IGSF9B: variants seen among roughly 807,000 people sequenced by gnomAD.
The protein encoded by IGSF9B is immunoglobulin superfamily member 9B.
In IGSF9B, 48 loss-of-function variants were observed where a neutral mutation model predicts 143.7. That is an observed-to-expected ratio of 0.33 (90% CI 0.26 to 0.42). The LOEUF is 0.42. IGSF9B is among the 20% of genes least tolerant of loss of function. The pLI is 1.00. For synonymous variants in IGSF9B, 903 were observed against 833.1 expected (o/e 1.08, Z -1.44); for missense variants, 1,706 against 1,980.0 (o/e 0.86, Z 2.63).
chr11:133,923,182 C>T (rs1565427920), intron 15 of IGSF9B, among the ~76,000 whole-genome samples: 1 of 152,244 alleles, frequency 6.6e-6, no homozygotes, highest in Non-Finnish European at 1.5e-5. Flanking sequence ...GTGCCCAAAC[C>T]AGAACGCAGC....
chr11:133,920,260 C>G lies in IGSF9B; in HGVS notation c.3465G>C (p.Pro1155=), dbSNP rs1017951332. 6.6e-7 allele frequency: 1 copy of G among 1,518,826 alleles called. No individual in the cohort carries two copies. Among genetic ancestry groups the G allele is most frequent in the Non-Finnish European group, 8.8e-7 (1 of 1,133,148 alleles). The allele number at this position is 1,518,826 out of a possible 1,614,324, so 94.1% of individuals were successfully genotyped here. A position where few individuals can be genotyped will look rare whatever the true frequency, so the allele number is the denominator to read the frequency against. Residue 1155 remains proline, a synonymous_variant, in exon 18 of 20, where the codon CCG becomes CCC. Transcript: ENST00000533871. ...PVLPYPEPAE[P]GAHGGPSTFG... is the part of the protein sequence containing the mutation. ...ATGTGCTGGGGCCGCCGTGCGCCCC[C>G]GGCTCAGCCGGCTCGGGGTAAGGCA...
rs1428977226 is a variant in IGSF9B, at chr11:133,903,274, C to T, written c.*5795G>A. 6.6e-6 allele frequency among the ~76,000 whole-genome samples: 1 copy of T among 152,026 alleles called. No individual in the cohort carries two copies. The highest frequency in any genetic ancestry group is 2.4e-5 in the African/African-American group (1 of 41,388). ...AAAGGCAGGCCCAGGCAGCCATTCA[C>T]GTCCCCATCTAGTGTGATGGGAATG... On this transcript the variant is annotated 3_prime_UTR_variant, in exon 20 of 20. Coordinates refer to ENST00000533871, the MANE Select transcript of IGSF9B (RefSeq NM_001277285.4).
intron 1 of IGSF9B, among the ~76,000 whole-genome samples, chr11:133,952,768 T>TGTGTATGCGCACACACATGTGCAC (rs1278732358): frequency 6.7e-6 from 1 of 149,928 alleles, no homozygotes; most frequent in Non-Finnish European, 1.5e-5. Context: ...TAGGAACATG[T>TGTGTATGCGCACACACATGTGCAC]GTGTATGCGC....
intron 1 of IGSF9B, among the ~76,000 whole-genome samples, chr11:133,949,720 G>A (rs777399475): frequency 6.6e-6 from 1 of 151,988 alleles, no homozygotes; most frequent in Non-Finnish European, 1.5e-5. Flanking sequence ...GGAAGGGGGA[G>A]GGGCTGGCTC....
intron 1 of IGSF9B, among the ~76,000 whole-genome samples, chr11:133,951,497 A>G (rs1404015800): frequency 4.5e-4 from 68 of 152,224 alleles, no homozygotes; most frequent in Non-Finnish European, 8.8e-5. Context: ...TCCGGCCCTG[A>G]GCCTTCTCGG....
At chr11:133,918,066 C>A (rs958166506) in intron 18 of IGSF9B, among the ~76,000 whole-genome samples, 1 of 151,636 alleles carries the variant, frequency 6.6e-6, no homozygotes, top group East Asian at 2.0e-4. Flanking sequence ...GGGGCAGAAG[C>A]TGCAGCTAGG....
chr11:133,925,569 G>A (rs1939608582), intron 14 of IGSF9B, among the ~76,000 whole-genome samples, 170 bp downstream of exon 14: 2 of 152,200 alleles, frequency 1.3e-5, no homozygotes. Context: ...GATCTGAGGA[G>A]TCCAGGCCTT....
At chr11:133,951,200 C>T (rs1305778061) in intron 1 of IGSF9B, among the ~76,000 whole-genome samples, 1 of 152,214 alleles carries the variant, frequency 6.6e-6, no homozygotes, top group East Asian at 1.9e-4. Flanking sequence ...TGGTCCAAAA[C>T]GCCGACGGTG....
In IGSF9B at chr11:133,948,056, C is replaced by CGTGTGT. The variant is rs71038546; in HGVS notation, c.65-1804_65-1799dup. Among the ~76,000 whole-genome samples, 1,720 of 147,258 alleles carry CGTGTGT rather than the reference C, an allele frequency of 0.012. 49 individuals carry two copies. Among genetic ancestry groups the CGTGTGT allele is most frequent in the African/African-American group, 0.041 (1,599 of 39,160 alleles). On this transcript the variant is annotated intron_variant, in intron 1 of 19. Transcript: ENST00000533871. The surrounding 1 kb of genome is among the most constrained non-coding windows in gnomAD (Gnocchi z 4.7). ...CTGTTTCTGTCTACCAGCATGTGTGCGTGTGTGTGTGTGTGTGTGTGTGTG... is the reference window on the plus strand; with the variant it reads ...CTGTTTCTGTCTACCAGCATGTGTGCGTGTGTGTGTGTGTGTGTGTGTGTGTGTGTG...
At position 133,920,385 on chromosome 11, in the gene IGSF9B, G is replaced by A; in HGVS notation, c.3340C>T (p.Pro1114Ser). 6.2e-7 allele frequency: 1 copy of A among 1,602,478 alleles called. No individual in the cohort carries two copies. ...AGKSPGRGPV[P>S]APPAAKWQDR... is the part of the protein sequence containing the mutation. ...TGCCACTTGGCGGCGGGGGGCGCTG[G>A]GACAGGGCCCCTGCCGGGCGACTTG... is the stretch of plus-strand genomic sequence containing the variant. Residue 1114 changes from proline to serine, a missense_variant, in exon 18 of 20, where the codon CCA (proline) becomes TCA (serine). Physicochemically the swap from Pro to Ser is moderately conservative, Grantham distance 74 (BLOSUM62 -1). Transcript: ENST00000533871.
At chr11:133,944,119 G>T in intron 3 of IGSF9B, 101 bp downstream of exon 3, 2 of 1,281,904 alleles carry the variant, frequency 1.6e-6, no homozygotes, top group Non-Finnish European at 2.1e-6. Context: ...GGGGTGAGAT[G>T]CAGTTGGGAG....
At position 133,918,914 on chromosome 11, in the gene IGSF9B, G is replaced by A. The variant is rs564581302; in HGVS notation, c.3983+828C>T. The A allele has an allele frequency of 1.5e-4, 69 of 457,190 alleles. 3 individuals carry two copies. Among genetic ancestry groups the A allele is most frequent in the South Asian group, 1.1e-3 (69 of 64,180 alleles). 28.3% of individuals were successfully genotyped at this position (457,190 alleles called of 1,614,324 possible). On this transcript the variant is annotated intron_variant, in intron 18 of 19. Coordinates refer to ENST00000533871, the MANE Select transcript of IGSF9B (RefSeq NM_001277285.4). The stretch of plus-strand genomic sequence containing the variant: ...GATGGTGAGGAAGGAAGATAGGAGA[G>A]AGAAAGACTGACTGGAGAAGGAAGG...
At position 133,922,565 on chromosome 11, in the gene IGSF9B, C is replaced by A; in HGVS notation, c.2281+4G>T. On this transcript the variant is annotated splice_donor_region_variant and intron_variant, in intron 16 of 19. Transcript: ENST00000533871. ...GAGAGCAAGGGAAGGGGACAGACACCCACCTTTTTTGCGCTTGAGCTTACG... is the reference window on the plus strand; with the variant it reads ...GAGAGCAAGGGAAGGGGACAGACACACACCTTTTTTGCGCTTGAGCTTACG... 1.2e-6 allele frequency: 2 copies of A among 1,607,230 alleles called. No individual in the cohort carries two copies. Among genetic ancestry groups the A allele is most frequent in the South Asian group, 1.1e-5 (1 of 90,518 alleles).
intron 18 of IGSF9B, among the ~76,000 whole-genome samples, chr11:133,918,595 C>CG (rs1939441407): frequency 6.6e-6 from 1 of 151,728 alleles, no homozygotes; most frequent in African/African-American, 2.4e-5. Context: ...CGGCCGGCCC[C>CG]GGAGCAGCCC....
Position 133,931,276 on chromosome 11 carries a change from C to T in IGSF9B, c.1369-142G>A, listed in dbSNP as rs1565435382. 2 of 978,250 alleles carry T rather than the reference C, an allele frequency of 2.0e-6. No individual in the cohort carries two copies. The highest frequency in any genetic ancestry group is 3.1e-6 in the Non-Finnish European group (2 of 650,258). 60.6% of individuals were successfully genotyped at this position (978,250 alleles called of 1,614,324 possible). ...CCGAGTGCCTGCCGCTCTTCAGGGT[C>T]AGCTCACTGCTCGGCATCTAGCCTG... On this transcript the variant is annotated intron_variant, in intron 10 of 19. Transcript: ENST00000533871. The surrounding 1 kb of genome is among the most constrained non-coding windows in gnomAD (Gnocchi z 7.7).
In IGSF9B at chr11:133,927,644, C is replaced by T. The variant is rs969257096; in HGVS notation, c.1632-553G>A. Among the ~76,000 whole-genome samples the T allele has an allele frequency of 1.7e-4, 26 of 152,278 alleles. 1 individual carries two copies. Among genetic ancestry groups the T allele is most frequent in the Admixed American group, 1.7e-3 (26 of 15,298 alleles). On this transcript the variant is annotated intron_variant, in intron 12 of 19. Transcript: ENST00000533871. ...GTTTCCCCACAGTGGGGCCAGGATC[C>T]CTAAGGCCGTAAGGGTTGGAAGAAG... is the stretch of plus-strand genomic sequence containing the variant.
intron 1 of IGSF9B, among the ~76,000 whole-genome samples, chr11:133,947,963 C>T (rs979981474): frequency 6.6e-6 from 1 of 151,982 alleles, no homozygotes; most frequent in African/African-American, 2.4e-5. Context: ...TTCTGTGTCT[C>T]CCTCTGTCTC....
chr11:133,908,752 C>G lies in IGSF9B; in HGVS notation c.*317G>C, dbSNP rs1565412223. ...GAGCAGTAAAAGCCATTGCTTTCCTCTTCACTTCCAAAGACATTGGAAGAG... is the reference window on the plus strand; with the variant it reads ...GAGCAGTAAAAGCCATTGCTTTCCTGTTCACTTCCAAAGACATTGGAAGAG... On this transcript the variant is annotated 3_prime_UTR_variant, in exon 20 of 20. Coordinates refer to ENST00000533871, the MANE Select transcript of IGSF9B (RefSeq NM_001277285.4). 1 of 290,762 alleles carries G rather than the reference C, an allele frequency of 3.4e-6. No individual in the cohort carries two copies. The highest frequency in any genetic ancestry group is 2.1e-5 in the African/African-American group (1 of 46,896). 18.0% of individuals were successfully genotyped at this position (290,762 alleles called of 1,614,324 possible).
chr11:133,938,181 C>T (rs1028694826), intron 3 of IGSF9B: 10 of 553,848 alleles, frequency 1.8e-5, no homozygotes, highest in Non-Finnish European at 3.2e-5. Context: ...TGTATTGTAG[C>T]TTATTCCCAG....
Sources: gnomAD v4.1 joint callset for allele counts (sites outside exome capture counted in the v4.1 genomes callset) on GRCh38, gnomAD v4.1.1 for gene constraint, Gnocchi (gnomAD v3.1) non-coding constraint, MANE v1.5 for transcripts, NCBI Gene and HGNC (gene_info 2026-07-23, HGNC 2026-07-21) for gene names.